The following ADAM32 variants were observed in gnomAD, a reference collection of about 807,000 sequenced individuals.
ADAM32 encodes the protein disintegrin and metalloproteinase domain-containing protein 32.
Under a neutral mutation model 114.9 loss-of-function variants are expected in ADAM32, and 89 were observed. That is an observed-to-expected ratio of 0.77 (90% CI 0.65 to 0.92). The LOEUF (loss-of-function observed/expected upper bound fraction) is 0.92. Ranked by LOEUF, ADAM32 falls within the 40% of genes least tolerant of loss-of-function variation. ADAM32 has a pLI of 0.00. For missense variants in ADAM32, 870 were observed against 932.8 expected (o/e 0.93, Z 0.88); for synonymous variants, 285 against 307.5 (o/e 0.93, Z 0.77).
rs1585604405 is a variant in ADAM32, at chr8:39,233,627, A to C, written c.1635-272A>C. ...CCGTAACCTCCTGGGAATGCAGCCCAGTAGGTCTTAGCTTTGTTTTACCTA... is the reference window on the plus strand; with the variant it reads ...CCGTAACCTCCTGGGAATGCAGCCCCGTAGGTCTTAGCTTTGTTTTACCTA... On this transcript the variant is annotated intron_variant, in intron 15 of 24. Coordinates refer to ENST00000379907, the MANE Select transcript of ADAM32 (RefSeq NM_145004.7). Among the ~76,000 whole-genome samples, 3 of 152,284 alleles carry C rather than the reference A, an allele frequency of 2.0e-5. No homozygotes were observed. The South Asian group carries it at 6.2e-4, about 32-fold the overall frequency.
In ADAM32 at chr8:39,177,129, G is replaced by A. The variant is rs772852967; in HGVS notation, c.915+7132G>A. Among the ~76,000 whole-genome samples the A allele has an allele frequency of 4.7e-4, 70 of 150,508 alleles. 1 individual carries two copies. Among genetic ancestry groups the A allele is most frequent in the South Asian group, 2.1e-4 (1 of 4,774 alleles). ...GGCTGGAGTGCCATGGCATGATTTC[G>A]GCTCACTGCAACCTCTGCCTCCCAG... On this transcript the variant is annotated intron_variant, in intron 10 of 24. Transcript: ENST00000379907.
intron 2 of ADAM32, among the ~76,000 whole-genome samples, chr8:39,119,158 T>A (rs1840497166): frequency 1.3e-5 from 2 of 152,242 alleles, no homozygotes; most frequent in Non-Finnish European, 2.9e-5. Context: ...TGTTTTCTGA[T>A]ATTGAGTATT....
intron 10 of ADAM32, among the ~76,000 whole-genome samples, chr8:39,173,522 T>A (rs1392156901): frequency 6.6e-6 from 1 of 152,116 alleles, no homozygotes; most frequent in Admixed American, 6.5e-5. Flanking sequence ...ATTTTTTTTC[T>A]TGTAAATATG....
intron 17 of ADAM32, among the ~76,000 whole-genome samples, chr8:39,252,704 A>C (rs1265504547): frequency 6.6e-6 from 1 of 151,596 alleles, no homozygotes; most frequent in East Asian, 1.9e-4. Context: ...AAAAAGAAAT[A>C]AGACTCAAAA....
intron 12 of ADAM32, among the ~76,000 whole-genome samples, chr8:39,219,778 A>G (rs1381823717): frequency 5.9e-5 from 9 of 152,200 alleles, no homozygotes; most frequent in African/African-American, 1.9e-4. Context: ...ATTGATTTCT[A>G]TTTTTATTTC....
In ADAM32 at chr8:39,223,113, C is replaced by A. The variant is rs7845771; in HGVS notation, c.1400C>A (p.Thr467Asn). Residue 467 changes from threonine (T) to asparagine (N), a missense_variant, in exon 14 of 25, where the codon ACC (threonine) becomes AAC (asparagine). Transcript: ENST00000379907. ...ECDIAENCNG[T>N]SPECGPDITL... ...GACATCGCTGAAAATTGTAATGGAA[C>A]CTCACCAGAATGTGGTCCTGACATA... The A allele has an allele frequency of 1.9e-6, 3 of 1,591,934 alleles. No individual in the cohort carries two copies. Among genetic ancestry groups the A allele is most frequent in the South Asian group, 1.1e-5 (1 of 86,960 alleles).
At chr8:39,206,492 T>C (rs1259882007) in intron 11 of ADAM32, among the ~76,000 whole-genome samples, 1 of 152,158 alleles carries the variant, frequency 6.6e-6, no homozygotes, top group Non-Finnish European at 1.5e-5. Flanking sequence ...GGACAGCATG[T>C]TATCAGGCCA....
intron 12 of ADAM32, chr8:39,220,903 T>C (rs1237736547): frequency 6.6e-6 from 1 of 151,968 alleles, no homozygotes; most frequent in African/African-American, 2.4e-5. Flanking sequence ...TTTGAAGAAA[T>C]GTTGTGTTAG....
At chr8:39,251,269 G>C (rs1811277897) in intron 17 of ADAM32, among the ~76,000 whole-genome samples, 1 of 151,690 alleles carries the variant, frequency 6.6e-6, no homozygotes, top group Admixed American at 6.6e-5. Flanking sequence ...TATAGTGGCT[G>C]TACTAATTTA....
chr8:39,279,019 G>A (rs1813263953), intron 22 of ADAM32, among the ~76,000 whole-genome samples: 1 of 152,084 alleles, frequency 6.6e-6, no homozygotes, highest in Non-Finnish European at 1.5e-5. Flanking sequence ...CTCAATTAAT[G>A]TGCTTTTTCT....
At chr8:39,227,246 C>G (rs1339232463) in intron 14 of ADAM32, among the ~76,000 whole-genome samples, 1 of 152,196 alleles carries the variant, frequency 6.6e-6, no homozygotes, top group Non-Finnish European at 1.5e-5. Flanking sequence ...ACACACACCC[C>G]CACTGGAGAA....
chr8:39,203,018 C>A (rs1426954797), intron 11 of ADAM32, among the ~76,000 whole-genome samples: 1 of 152,152 alleles, frequency 6.6e-6, no homozygotes. Flanking sequence ...AATTTCTATT[C>A]TTTTACATTT....
rs190911675 is a variant in ADAM32 at position 39,164,793 on chromosome 8, A to G, written c.624A>G (p.Ile208Met). 9.2e-5 allele frequency: 148 copies of G among 1,607,388 alleles called. 1 individual carries two copies. The African/African-American group carries it at 1.8e-3, about 20-fold the overall frequency. Residue 208 changes from isoleucine (I) to methionine (M), a missense_variant, in exon 8 of 25, where the codon ATA becomes ATG. Coordinates refer to ENST00000379907, the MANE Select transcript of ADAM32 (RefSeq NM_145004.7). ...LYDYWGSDSM[I>M]VTNKVIEIVG... is the part of the protein sequence containing the mutation. ...ATTACTGGGGCTCTGATAGCATGATAGTAACAAATAAAGTCATCGAAATTG... is the reference window on the plus strand; with the variant it reads ...ATTACTGGGGCTCTGATAGCATGATGGTAACAAATAAAGTCATCGAAATTG...
chr8:39,133,488 C>T (rs1256261145), intron 2 of ADAM32, among the ~76,000 whole-genome samples: 1 of 152,216 alleles, frequency 6.6e-6, no homozygotes, highest in Non-Finnish European at 1.5e-5. Context: ...AGCCAGTCTA[C>T]AGTGGTGGCA....
chr8:39,111,858 T>C (rs1224388983), intron 1 of ADAM32, among the ~76,000 whole-genome samples: 2 of 152,088 alleles, frequency 1.3e-5, no homozygotes, highest in African/African-American at 2.4e-5. Flanking sequence ...ATGTAAAAGC[T>C]ATGATACCTG....
At chr8:39,202,860 T>C (rs1406907782) in intron 11 of ADAM32, among the ~76,000 whole-genome samples, 1 of 152,218 alleles carries the variant, frequency 6.6e-6, no homozygotes, top group Non-Finnish European at 1.5e-5. Context: ...TCAAAGAACA[T>C]CTTTATTTCT....
intron 2 of ADAM32, among the ~76,000 whole-genome samples, chr8:39,133,905 G>A (rs779144588): frequency 2.6e-5 from 4 of 152,194 alleles, no homozygotes; most frequent in South Asian, 4.1e-4. Context: ...CTGTGTCCCT[G>A]CTGCTGGGAG....
chr8:39,259,792 A>T (rs1282683364), intron 19 of ADAM32, among the ~76,000 whole-genome samples: 1 of 152,244 alleles, frequency 6.6e-6, no homozygotes, highest in African/African-American at 2.4e-5. Context: ...AAGTTGCAAA[A>T]ATTGCACAGG....
intron 11 of ADAM32, among the ~76,000 whole-genome samples, chr8:39,201,138 T>C (rs1161297562): frequency 6.6e-6 from 1 of 152,226 alleles, no homozygotes; most frequent in Admixed American, 6.5e-5. Flanking sequence ...AACTTTAAAG[T>C]AGTTTTTTCC....
Sources: allele counts gnomAD v4.1 joint callset (sites outside exome capture counted in the v4.1 genomes callset), GRCh38; gene constraint gnomAD v4.1.1; transcripts MANE v1.5; gene names NCBI Gene and HGNC (gene_info 2026-07-23, HGNC 2026-07-21).